SLC4A8: variants seen among roughly 807,000 people sequenced by gnomAD.
SLC4A8 encodes the protein electroneutral sodium bicarbonate exchanger 1.
In SLC4A8, 40 loss-of-function variants were observed where a neutral mutation model predicts 125.0. The ratio of observed to expected loss-of-function variants is 0.32; its 90% CI spans 0.25 to 0.42. The LOEUF (loss-of-function observed/expected upper bound fraction) is 0.42, where lower values mean the gene tolerates loss of function less well. SLC4A8 is among the 10% of genes least tolerant of loss of function. The probability of loss-of-function intolerance (pLI) is 1.00; values close to 1 mark genes in which losing one functional copy is unlikely to be tolerated. For missense variants in SLC4A8, 863 were observed against 1,355.1 expected, an observed-to-expected ratio of 0.64 and a Z score of 5.70; for synonymous variants, 456 against 476.0, an observed-to-expected ratio of 0.96 and a Z score of 0.55.
intron 1 of SLC4A8, among the ~76,000 whole-genome samples, chr12:51,412,293 A>T (rs949842065): frequency 1.3e-5 from 2 of 152,154 alleles, no homozygotes; most frequent in Non-Finnish European, 2.9e-5. Context: ...ATTTTTAAAA[A>T]TGTTCTAGTT....
At chr12:51,447,347 C>G (rs1453020236) in intron 2 of SLC4A8, among the ~76,000 whole-genome samples, 1 of 152,086 alleles carries the variant, frequency 6.6e-6, no homozygotes, top group Non-Finnish European at 1.5e-5. Context: ...CTGCCTTGGC[C>G]TCCCAAAGTG....
chr12:51,426,494 G>A (rs1948984937), intron 1 of SLC4A8, among the ~76,000 whole-genome samples: 1 of 152,182 alleles, frequency 6.6e-6, no homozygotes, highest in Admixed American at 6.5e-5. Context: ...AGTGCCATAA[G>A]CGTGTATAAC....
At position 51,471,271 on chromosome 12, in the gene SLC4A8, TTTG is replaced by T; in HGVS notation, c.1659-15_1659-13del. Reference sequence around the variant, plus strand: ...CATCCATCCATGCGTTCTGATGAACTTTGGTCTTGTTTCAGAGACTATGCTCTT... The same window carrying T: ...CATCCATCCATGCGTTCTGATGAACTGTCTTGTTTCAGAGACTATGCTCTT... On this transcript the variant is annotated splice_polypyrimidine_tract_variant and intron_variant, in intron 13 of 24. Coordinates refer to ENST00000453097, the MANE Select transcript of SLC4A8 (RefSeq NM_001039960.3). 1 of 1,605,492 alleles carries T rather than the reference TTTG, an allele frequency of 6.2e-7. No homozygotes were observed. The highest frequency in any genetic ancestry group is 8.5e-7 in the Non-Finnish European group (1 of 1,178,122).
chr12:51,491,319 G>A (rs890487735), intron 19 of SLC4A8, among the ~76,000 whole-genome samples: 3 of 152,128 alleles, frequency 2.0e-5, no homozygotes, highest in African/African-American at 7.2e-5. Context: ...GAAAAGAGAC[G>A]ACGTAAAAGA....
upstream of SLC4A8, among the ~76,000 whole-genome samples, chr12:51,423,551 A>T (rs1948842392): frequency 6.6e-6 from 1 of 152,212 alleles, no homozygotes; most frequent in Non-Finnish European, 1.5e-5. Flanking sequence ...AGGGATACTG[A>T]AGCCCAACCT....
At chr12:51,468,360 A>G (rs1435633625) in intron 11 of SLC4A8, among the ~76,000 whole-genome samples, 2 of 152,224 alleles carry the variant, frequency 1.3e-5, no homozygotes, top group Admixed American at 1.3e-4. Context: ...CATTCATTAT[A>G]CTACCACAGA....
At chr12:51,481,972 A>G (rs912480008) in intron 16 of SLC4A8, among the ~76,000 whole-genome samples, 9 of 152,086 alleles carry the variant, frequency 5.9e-5, no homozygotes, top group Admixed American at 3.9e-4. Flanking sequence ...CAAAACCAAA[A>G]AAAACAAAGT....
chr12:51,482,635 C>T (rs1402763229), intron 16 of SLC4A8, among the ~76,000 whole-genome samples: 3 of 152,184 alleles, frequency 2.0e-5, no homozygotes, highest in Non-Finnish European at 4.4e-5. Flanking sequence ...CCACGTCAGC[C>T]TCCCAAAGTG....
At chr12:51,434,329 T>C (rs967850109) in intron 1 of SLC4A8, among the ~76,000 whole-genome samples, 2 of 152,106 alleles carry the variant, frequency 1.3e-5, no homozygotes, top group African/African-American at 4.8e-5. Context: ...ACTGAAAAAA[T>C]AGTTTCCTAA....
Position 51,508,714 on chromosome 12 carries a change from A to G in SLC4A8, c.*1276A>G, listed in dbSNP as rs190982118. On this transcript the variant is annotated 3_prime_UTR_variant, in exon 25 of 25. Coordinates refer to ENST00000453097, the MANE Select transcript of SLC4A8 (RefSeq NM_001039960.3). Reference sequence around the variant, plus strand: ...TCTCTTCTCTTCTATGTTGCAATGAATGTAAAGTATTTGGGATCCAGTGCT... The same window carrying G: ...TCTCTTCTCTTCTATGTTGCAATGAGTGTAAAGTATTTGGGATCCAGTGCT... The G allele has an allele frequency of 6.6e-6, 1 of 152,250 alleles. No individual in the cohort carries two copies. The highest frequency in any genetic ancestry group is 1.5e-5 in the Non-Finnish European group (1 of 68,036). The allele number at this position is 152,250 out of a possible 1,614,324, so 9.4% of individuals were successfully genotyped here. A position where few individuals can be genotyped will look rare whatever the true frequency, so the allele number is the denominator to read the frequency against.
intron 21 of SLC4A8, among the ~76,000 whole-genome samples, chr12:51,496,771 C>T (rs138117406): frequency 1.3e-5 from 2 of 152,286 alleles, no homozygotes; most frequent in East Asian, 1.9e-4. Flanking sequence ...GTTAGCTGCT[C>T]TCTAAGTTGT....
chr12:51,430,133 A>G (rs560888765), intron 1 of SLC4A8, among the ~76,000 whole-genome samples: 89 of 152,248 alleles, frequency 5.8e-4, no homozygotes, highest in African/African-American at 2.0e-3. Flanking sequence ...CTCAGAATGG[A>G]AAATTTTGCA....
intron 1 of SLC4A8, among the ~76,000 whole-genome samples, chr12:51,406,865 C>T (rs1424333022): frequency 1.3e-5 from 2 of 152,168 alleles, no homozygotes; most frequent in African/African-American, 2.4e-5. Context: ...TGAGGAGGAG[C>T]CAGGCTAGGC....
chr12:51,418,753 A>G (rs572135989), intron 1 of SLC4A8, among the ~76,000 whole-genome samples: 38 of 152,296 alleles, frequency 2.5e-4, no homozygotes, highest in African/African-American at 8.4e-4. Flanking sequence ...TATCTTTTTT[A>G]AAATATATAT....
At chr12:51,496,651 C>T (rs1021384109) in intron 21 of SLC4A8, among the ~76,000 whole-genome samples, 25 of 152,242 alleles carry the variant, frequency 1.6e-4, no homozygotes, top group Admixed American at 1.4e-3. Flanking sequence ...CTGGTCCCAC[C>T]ATGGCCCAGC....
Position 51,410,852 on chromosome 12 carries a change from CTTTCTTTTCT to C in SLC4A8, c.-112+19383_-112+19392del, listed in dbSNP as rs1197967101. ...TGGATTTCCTATCTCTTCGAACAAT[CTTTCTTTTCT>C]TTTCTTTTCTTTTCTTTTTTTTTTT... is the stretch of plus-strand genomic sequence containing the variant. On this transcript the variant is annotated intron_variant, in intron 1 of 24. Transcript: ENST00000358657. 1.3e-3 allele frequency among the ~76,000 whole-genome samples: 192 copies of C among 148,210 alleles called. 1 individual carries two copies. In the South Asian group the frequency reaches 0.022, roughly 17 times the overall value.
At chr12:51,474,556 A>G in intron 15 of SLC4A8, 109 bp downstream of exon 15, 1 of 1,468,566 alleles carries the variant, frequency 6.8e-7, no homozygotes, top group Non-Finnish European at 9.1e-7. Context: ...CATTTACCGA[A>G]ATAAAGCTTT....
At chr12:51,403,124 CTGCTCAGAACAG>C (rs1207251721) in intron 1 of SLC4A8, 1 of 212,286 alleles carries the variant, frequency 4.7e-6, no homozygotes, top group Non-Finnish European at 1.2e-5. Context: ...TAGGTATAAA[CTGCTCAGAACAG>C]TGCTCAGAAC....
rs1021917712 is a variant in SLC4A8, at chr12:51,476,459, C to T, written c.2172+1253C>T. ...TTGCACCACTGCACTCCAGCCTGGGCGACAGAGTGAGACTCTGTCTCAAAA... is the reference window on the plus strand; with the variant it reads ...TTGCACCACTGCACTCCAGCCTGGGTGACAGAGTGAGACTCTGTCTCAAAA... On this transcript the variant is annotated intron_variant, in intron 16 of 24. Transcript: ENST00000453097. 1.5e-4 allele frequency among the ~76,000 whole-genome samples: 22 copies of T among 151,288 alleles called. No individual in the cohort carries two copies. In the East Asian group the frequency reaches 2.5e-3, roughly 17 times the overall value.
Sources: allele counts gnomAD v4.1 joint callset (sites outside exome capture counted in the v4.1 genomes callset), GRCh38; gene constraint gnomAD v4.1.1; transcripts MANE v1.5; gene names NCBI Gene and HGNC (gene_info 2026-07-23, HGNC 2026-07-21).